The following R3HDM2 variants were observed in gnomAD, a reference collection of about 807,000 sequenced individuals.
The protein encoded by R3HDM2 is R3H domain containing 2, also known as R3H domain-containing protein 2.
R3HDM2 carries 38 observed loss-of-function variants against 124.5 expected under a neutral mutation model. That is an observed-to-expected ratio of 0.31 (90% CI 0.24 to 0.40). The LOEUF (loss-of-function observed/expected upper bound fraction) is 0.40, where lower values mean the gene tolerates loss of function less well. Ranked by LOEUF, R3HDM2 falls within the 10% of genes least tolerant of loss-of-function variation. The pLI is 1.00. For missense variants in R3HDM2, 869 were observed against 1,236.9 expected, an observed-to-expected ratio of 0.70 and a Z score of 4.46; for synonymous variants, 391 against 448.0, an observed-to-expected ratio of 0.87 and a Z score of 1.61.
At chr12:57,418,386 C>A in intron 1 of R3HDM2, 2 of 974,956 alleles carry the variant, frequency 2.1e-6, no homozygotes, top group Non-Finnish European at 2.4e-6. Flanking sequence ...TGGCAATATT[C>A]CCAACGGTGG....
chr12:57,276,284 A>G (rs1185256243), intron 14 of R3HDM2, among the ~76,000 whole-genome samples: 2 of 152,086 alleles, frequency 1.3e-5, no homozygotes, highest in African/African-American at 4.8e-5. Context: ...GTATCTACCC[A>G]GAGGAAAAAA....
intron 2 of R3HDM2, among the ~76,000 whole-genome samples, chr12:57,316,078 C>G (rs1423337152): frequency 3.3e-5 from 5 of 152,208 alleles, no homozygotes; most frequent in Admixed American, 6.5e-5. Context: ...GCCTGCGCAA[C>G]AGAGTGAAAC....
At chr12:57,429,744 C>T (rs1225564673) in intron 1 of R3HDM2, among the ~76,000 whole-genome samples, 1 of 140,254 alleles carries the variant, frequency 7.1e-6, no homozygotes, top group Admixed American at 7.8e-5. Flanking sequence ...TGTCTTGATA[C>T]CCCAGCAACA....
chr12:57,300,039 T>G (rs2050773702), intron 5 of R3HDM2, 56 bp downstream of exon 5: 2 of 1,324,350 alleles, frequency 1.5e-6, no homozygotes, highest in African/African-American at 2.9e-5. Context: ...CCATACTACA[T>G]CTTACCAAAC....
intron 2 of R3HDM2, among the ~76,000 whole-genome samples, chr12:57,384,353 CAA>C (rs55693368): frequency 3.4e-5 from 4 of 117,690 alleles, no homozygotes; most frequent in Non-Finnish European, 3.6e-5. Flanking sequence ...GACTCTGTCT[CAA>C]AAAAAAAAAA....
chr12:57,266,831 G>A lies in R3HDM2; in HGVS notation c.2031C>T (p.Ser677=). ...GGGGTTGCAGAAACCCTACAGAAGG[G>A]CTGGGAAGACAGAGAAGAGAGGAGT... ...MIPPAQQNGT[S]PSVGFLQPPG... Residue 677 remains serine, a splice_region_variant and synonymous_variant, in exon 19 of 24, where the codon AGC becomes AGT. Transcript: ENST00000402412. The A allele has an allele frequency of 6.3e-7, 1 of 1,586,556 alleles. No individual in the cohort carries two copies. The highest frequency in any genetic ancestry group is 8.6e-7 in the Non-Finnish European group (1 of 1,156,874).
At chr12:57,418,150 G>A (rs2069831768) in intron 1 of R3HDM2, 1 of 985,046 alleles carries the variant, frequency 1.0e-6, no homozygotes. Flanking sequence ...TCTTATCTCA[G>A]TAAGCAACAC....
chr12:57,361,518 A>G (rs2061967801), intron 2 of R3HDM2, among the ~76,000 whole-genome samples: 2 of 151,792 alleles, frequency 1.3e-5, no homozygotes, highest in Non-Finnish European at 2.9e-5. Context: ...AGTCACTGTC[A>G]CTACAAAAAT....
chr12:57,404,064 A>ATTTTTTTTTTTTTTTTTTTT (rs767234283), intron 1 of R3HDM2, among the ~76,000 whole-genome samples: 3 of 77,016 alleles, frequency 3.9e-5, no homozygotes, highest in Non-Finnish European at 6.9e-5. Flanking sequence ...TCCACTCCTA[A>ATTTTTTTTTTTTTTTTTTTT]TTTTTTTTTT....
chr12:57,309,458 C>T lies in R3HDM2; in HGVS notation c.165+806G>A, dbSNP rs371488651. 2.0e-5 allele frequency among the ~76,000 whole-genome samples: 3 copies of T among 152,284 alleles called. No homozygotes were observed. In the East Asian group the frequency reaches 5.8e-4, roughly 29 times the overall value. On this transcript the variant is annotated intron_variant, in intron 3 of 23. Coordinates refer to ENST00000402412, the MANE Select transcript of R3HDM2 (RefSeq NM_001394031.1). ...AGGAAGTTTGGCTAACTATCTACTA[C>T]CATCATTTCTGTACTACAGTACGAA...
At chr12:57,330,988 G>A (rs1034114163) in intron 2 of R3HDM2, among the ~76,000 whole-genome samples, 5 of 151,994 alleles carry the variant, frequency 3.3e-5, no homozygotes, top group East Asian at 1.9e-4. Flanking sequence ...GTGAGCCACC[G>A]TGCCCGGCCG....
intron 3 of R3HDM2, 87 bp from the exon 4 acceptor site, chr12:57,303,304 C>G: frequency 8.0e-7 from 1 of 1,250,556 alleles, no homozygotes; most frequent in South Asian, 1.3e-5. Flanking sequence ...AGAAAAAGCA[C>G]TAACTGTAAA....
chr12:57,391,959 G>T (rs508163), intron 2 of R3HDM2, among the ~76,000 whole-genome samples: 151,342 of 152,284 alleles, frequency 0.99, 75,210 homozygotes, highest in Middle Eastern at 1. Context: ...GTCAGGAGTT[G>T]GAGACCAGCC....
chr12:57,374,754 GAGGCTGAGGC>G lies in R3HDM2; in HGVS notation c.-36+20985_-36+20994del, dbSNP rs1369076306. ...CACGCCTGTAATACTAGCACTTTGA[GAGGCTGAGGC>G]AGGCAGATCACGAGGTCAGGAGATC... On this transcript the variant is annotated intron_variant, in intron 2 of 23. Coordinates refer to ENST00000402412, the MANE Select transcript of R3HDM2 (RefSeq NM_001394031.1). 4.2e-5 allele frequency among the ~76,000 whole-genome samples: 6 copies of G among 144,062 alleles called. No homozygotes were observed. In the Admixed American group the frequency reaches 4.3e-4, roughly 10 times the overall value. 94.5% of individuals were successfully genotyped at this position (144,062 alleles called of 152,430 possible). A position where few individuals can be genotyped will look rare whatever the true frequency, so the allele number is the denominator to read the frequency against.
At chr12:57,337,808 G>T (rs894007998) in intron 2 of R3HDM2, among the ~76,000 whole-genome samples, 2 of 152,132 alleles carry the variant, frequency 1.3e-5, no homozygotes, top group African/African-American at 4.8e-5. Flanking sequence ...CGAATCATAG[G>T]AAGCTATCTT....
At chr12:57,298,328 G>A (rs1485105375) in intron 6 of R3HDM2, among the ~76,000 whole-genome samples, 160 bp from the exon 7 acceptor site, 1 of 152,142 alleles carries the variant, frequency 6.6e-6, no homozygotes, top group Non-Finnish European at 1.5e-5. Flanking sequence ...ACCTTGATGT[G>A]CTAGATCCCA....
intron 1 of R3HDM2, among the ~76,000 whole-genome samples, chr12:57,417,733 C>A (rs1470254430): frequency 1.3e-5 from 2 of 152,182 alleles, no homozygotes; most frequent in Non-Finnish European, 1.5e-5. Context: ...TAAGTGAGAA[C>A]TAACATTCTC....
chr12:57,369,017 A>G (rs768525359), intron 2 of R3HDM2, among the ~76,000 whole-genome samples: 22 of 152,156 alleles, frequency 1.4e-4, no homozygotes, highest in Non-Finnish European at 2.2e-4. Flanking sequence ...ACTAATTTAC[A>G]TCTCCTAATT....
At chr12:57,400,151 C>T (rs981585711) in intron 1 of R3HDM2, among the ~76,000 whole-genome samples, 3 of 152,110 alleles carry the variant, frequency 2.0e-5, no homozygotes, top group African/African-American at 4.8e-5. Context: ...ATTGTGGCAC[C>T]ATTCACAATA....
Sources: allele counts gnomAD v4.1 joint callset (sites outside exome capture counted in the v4.1 genomes callset), GRCh38; gene constraint gnomAD v4.1.1; transcripts MANE v1.5; gene names NCBI Gene and HGNC (gene_info 2026-07-23, HGNC 2026-07-21).